PDS5A: variants seen among roughly 807,000 people sequenced by gnomAD.
The protein encoded by PDS5A is PDS5 cohesin associated factor A.
A neutral mutation model predicts 167.1 loss-of-function variants in PDS5A; 42 were observed. That is an observed-to-expected ratio of 0.25 (90% CI 0.20 to 0.33). PDS5A has a LOEUF of 0.33. Among genes scored for constraint, PDS5A ranks in the 10% least tolerant of loss-of-function variants. PDS5A has a pLI of 1.00. For missense variants in PDS5A, 1,033 were observed against 1,605.9 expected, an observed-to-expected ratio of 0.64 and a Z score of 6.10; for synonymous variants, 553 against 554.6, an observed-to-expected ratio of 1.00 and a Z score of 0.04.
At chr4:39,865,580 C>T (rs1276405776) in intron 23 of PDS5A, among the ~76,000 whole-genome samples, 1 of 152,218 alleles carries the variant, frequency 6.6e-6, no homozygotes, top group Non-Finnish European at 1.5e-5. Flanking sequence ...AGCTGGAGTA[C>T]AATGGCGTGA....
At chr4:39,947,559 T>C (rs967860845) in intron 2 of PDS5A, among the ~76,000 whole-genome samples, 2 of 152,178 alleles carry the variant, frequency 1.3e-5, no homozygotes, top group African/African-American at 2.4e-5. Flanking sequence ...GGAAGAAGAA[T>C]TGTCTTGGAC....
intron 9 of PDS5A, 92 bp downstream of exon 9, chr4:39,913,519 G>A: frequency 1.5e-6 from 1 of 664,986 alleles, no homozygotes; most frequent in Non-Finnish European, 2.7e-6. Flanking sequence ...ATCTATTAAT[G>A]AAAGTTTTGA....
At chr4:39,879,868 T>G (rs749603664) in intron 17 of PDS5A, 35 bp from the exon 18 acceptor site, 2 of 1,160,838 alleles carry the variant, frequency 1.7e-6, no homozygotes, top group African/African-American at 3.0e-5. Context: ...CAGTAACCAC[T>G]GTAGTAGTAA....
chr4:39,976,366 G>T, intron 2 of PDS5A, 74 bp downstream of exon 2: 3 of 1,319,328 alleles, frequency 2.3e-6, no homozygotes, highest in South Asian at 2.6e-5. Context: ...TTAAAGGCCA[G>T]ACTGAGCAGG....
chr4:39,856,733 T>C (rs1024228766), intron 26 of PDS5A, among the ~76,000 whole-genome samples: 3 of 151,962 alleles, frequency 2.0e-5, no homozygotes, highest in South Asian at 2.1e-4. Context: ...GGAGAATTGC[T>C]TGAACCTGGG....
chr4:39,836,009 A>T (rs1004588504), intron 32 of PDS5A, among the ~76,000 whole-genome samples: 16 of 152,228 alleles, frequency 1.1e-4, no homozygotes, highest in African/African-American at 3.1e-4. Context: ...CAACTTTTGT[A>T]TAACTGAAAA....
Position 39,908,530 on chromosome 4 carries a change from C to A in PDS5A, c.1098G>T (p.Lys366Asn). The A allele has an allele frequency of 6.4e-7, 1 of 1,573,866 alleles. No homozygotes were observed. The highest frequency in any genetic ancestry group is 1.1e-5 in the South Asian group (1 of 88,642). ...CTTCTTCTGGATCATGTGATCTAAC[C>A]TTTAAATATTCTGTAATAAGAGAAA... The part of the protein sequence containing the change: ...DLAKDLTEYL[K>N]VRSHDPEEAI... The change falls in exon 11 of 33, where the codon AAG (lysine) becomes AAT (asparagine). Residue 366 changes from lysine to asparagine, a missense_variant. Lys to Asn is a moderately conservative substitution (Grantham distance 94). Coordinates refer to ENST00000303538, the MANE Select transcript of PDS5A (RefSeq NM_001100399.2).
intron 19 of PDS5A, among the ~76,000 whole-genome samples, chr4:39,876,009 CTCCTT>C (rs1193406978): frequency 6.6e-6 from 1 of 152,000 alleles, no homozygotes; most frequent in Non-Finnish European, 1.5e-5. Context: ...CAGTGATTAT[CTCCTT>C]TCTTCTCCAT....
intron 18 of PDS5A, among the ~76,000 whole-genome samples, chr4:39,878,227 G>C (rs1720635279): frequency 6.6e-6 from 1 of 152,090 alleles, no homozygotes; most frequent in Non-Finnish European, 1.5e-5. Context: ...GCAAGGTTTG[G>C]AGTGATAATA....
intron 21 of PDS5A, among the ~76,000 whole-genome samples, chr4:39,871,569 A>T (rs1403295133): frequency 6.6e-6 from 1 of 152,182 alleles, no homozygotes; most frequent in Admixed American, 6.6e-5. Flanking sequence ...GAGAGTTAGG[A>T]ACTTTGGATA....
chr4:39,973,812 A>C (rs561943690), intron 2 of PDS5A: 1 of 1,215,012 alleles, frequency 8.2e-7, no homozygotes, highest in Admixed American at 1.7e-5. Flanking sequence ...ACTTCATGGC[A>C]GCTATTCCAC....
intron 17 of PDS5A, 29 bp downstream of exon 17, chr4:39,890,220 T>G (rs1210478000): frequency 8.4e-7 from 1 of 1,195,356 alleles, no homozygotes; most frequent in African/African-American, 1.5e-5. Context: ...TTATTATTTA[T>G]TTTTGAGCGA....
At chr4:39,916,511 C>A (rs373694345) in intron 8 of PDS5A, among the ~76,000 whole-genome samples, 1 of 152,012 alleles carries the variant, frequency 6.6e-6, no homozygotes, top group Non-Finnish European at 1.5e-5. Flanking sequence ...AAGATAATAC[C>A]ATTTTTCCTA....
At chr4:39,866,368 C>T (rs1161279121) in intron 23 of PDS5A, among the ~76,000 whole-genome samples, 3 of 152,074 alleles carry the variant, frequency 2.0e-5, no homozygotes, top group Non-Finnish European at 4.4e-5. Context: ...CTGCCCGTCT[C>T]GGCCTCCCAA....
At chr4:39,833,522 A>T (rs546258103) in intron 32 of PDS5A, among the ~76,000 whole-genome samples, 55 of 152,204 alleles carry the variant, frequency 3.6e-4, no homozygotes, top group Admixed American at 6.5e-4. Context: ...TGAAGTAGCC[A>T]AGACTATGGG....
intron 9 of PDS5A, among the ~76,000 whole-genome samples, chr4:39,912,796 G>A (rs138774902): frequency 4.6e-5 from 7 of 152,264 alleles, no homozygotes; most frequent in African/African-American, 1.7e-4. Flanking sequence ...AAGCCAAATA[G>A]AATTTAGTCA....
At chr4:39,971,755 C>T (rs958356069) in intron 2 of PDS5A, among the ~76,000 whole-genome samples, 1 of 152,110 alleles carries the variant, frequency 6.6e-6, no homozygotes, top group Non-Finnish European at 1.5e-5. Flanking sequence ...CCCCTGCGTC[C>T]GGGCTTAAGC....
chr4:39,832,300 GC>G (rs932004385), intron 32 of PDS5A, among the ~76,000 whole-genome samples: 13 of 151,076 alleles, frequency 8.6e-5, no homozygotes, highest in African/African-American at 3.2e-4. Context: ...TGCAAGCTCC[GC>G]CCCCTGGGTT....
chr4:39,930,246 A>ATTTTT, intron 2 of PDS5A, among the ~76,000 whole-genome samples: 1 of 93,160 alleles, frequency 1.1e-5, no homozygotes, highest in Non-Finnish European at 2.2e-5. Context: ...AAAAAAAAAA[A>ATTTTT]GTTTTTTTGT....
Sources: allele counts gnomAD v4.1 joint callset (sites outside exome capture counted in the v4.1 genomes callset), GRCh38; gene constraint gnomAD v4.1.1; transcripts MANE v1.5; gene names NCBI Gene and HGNC (gene_info 2026-07-23, HGNC 2026-07-21).